Variants in EIF3A observed in about 807,000 individuals in gnomAD.
The protein encoded by EIF3A is EIF3, p180 subunit.
Under a neutral mutation model 186.6 loss-of-function variants are expected in EIF3A, and 21 were observed. That is an observed-to-expected ratio of 0.11 (90% CI 0.08 to 0.16). The LOEUF is 0.16. EIF3A is among the 10% of genes least tolerant of loss of function. The pLI, the probability that EIF3A is intolerant of heterozygous loss-of-function variation, is 1.00. For synonymous variants in EIF3A, 563 were observed against 584.3 expected (o/e 0.96, Z 0.52); for missense variants, 1,306 against 1,796.3 (o/e 0.73, Z 4.93).
Position 119,042,257 on chromosome 10 carries a change from C to A in EIF3A, c.3263G>T (p.Gly1088Val), listed in dbSNP as rs756616657. 5.3e-5 allele frequency: 85 copies of A among 1,612,870 alleles called. No homozygotes were observed. In the South Asian group the frequency reaches 9.1e-4, roughly 17 times the overall value. The change falls in exon 19 of 22, where the codon GGT becomes GTT. Residue 1088 changes from glycine (G) to valine (V), a missense_variant. Transcript: ENST00000369144. This position sits in a 1 kb window ranked among gnomAD's most constrained non-coding sequence, Gnocchi z 7.8. ...GTCATCATCCATGCCTCGCCTGGGA[C>A]CCCGGTCATCATCCATGCCTCGCCT... Reference protein sequence around the residue: ...GPRRGMDDDRGPRRGMDDDRG... With the variant: ...GPRRGMDDDRVPRRGMDDDRG...
At chr10:119,054,744 C>T (rs1190900599) in intron 14 of EIF3A, among the ~76,000 whole-genome samples, 4 of 142,854 alleles carry the variant, frequency 2.8e-5, no homozygotes, top group African/African-American at 1.0e-4. Flanking sequence ...AAAAAAAAAG[C>T]TTTTCCTTTG....
intron 5 of EIF3A, among the ~76,000 whole-genome samples, chr10:119,069,862 G>A (rs1019994691): frequency 6.6e-6 from 1 of 152,044 alleles, no homozygotes; most frequent in Non-Finnish European, 1.5e-5. Context: ...AGTTCTTTAG[G>A]AAATAATGGG....
At chr10:119,070,723 T>C (rs965626342) in intron 5 of EIF3A, among the ~76,000 whole-genome samples, 163 bp downstream of exon 5, 7 of 152,258 alleles carry the variant, frequency 4.6e-5, no homozygotes, top group East Asian at 3.8e-4. Context: ...CAAAATATTC[T>C]GAGATTTCTT....
At chr10:119,047,216 T>G (rs1305465141) in intron 17 of EIF3A, among the ~76,000 whole-genome samples, 1 of 151,920 alleles carries the variant, frequency 6.6e-6, no homozygotes, top group East Asian at 1.9e-4. Context: ...TGCAGTGAGC[T>G]GAGATTGCAC....
In EIF3A at chr10:119,037,390, G is replaced by A. The variant is rs998273170; in HGVS notation, c.3729-81C>T. 46 of 1,261,156 alleles carry A rather than the reference G, an allele frequency of 3.6e-5. No homozygotes were observed. The East Asian group carries it at 1.1e-3, about 29-fold the overall frequency. The allele number at this position is 1,261,156 out of a possible 1,614,324, so 78.1% of individuals were successfully genotyped here. On this transcript the variant is annotated intron_variant, in intron 20 of 21. Coordinates refer to ENST00000369144, the MANE Select transcript of EIF3A (RefSeq NM_003750.4). Reference sequence around the variant, plus strand: ...TATAAGTACATCCAGTCCAAGCTGGGGCTTAGAGTTTACAAATATAACAGA... The same window carrying A: ...TATAAGTACATCCAGTCCAAGCTGGAGCTTAGAGTTTACAAATATAACAGA...
chr10:119,072,769 C>T (rs1003410186), intron 4 of EIF3A, 121 bp downstream of exon 4: 4 of 1,245,374 alleles, frequency 3.2e-6, no homozygotes, highest in South Asian at 1.5e-5. Flanking sequence ...TCATTTAATA[C>T]TCATGTGAAT....
At chr10:119,057,810 A>G in intron 12 of EIF3A, 146 bp downstream of exon 12, 1 of 660,328 alleles carries the variant, frequency 1.5e-6, no homozygotes, top group East Asian at 2.6e-5. Flanking sequence ...CAATAAACAT[A>G]TGCTTACTCA....
chr10:119,052,011 T>C (rs1452861413), intron 14 of EIF3A, among the ~76,000 whole-genome samples: 2 of 152,184 alleles, frequency 1.3e-5, no homozygotes, highest in African/African-American at 2.4e-5. Context: ...TACTAAAGGA[T>C]GGGGTGACTA....
Position 119,080,815 on chromosome 10 carries a change from A to G in EIF3A, c.-139T>C. The G allele has an allele frequency of 2.1e-6, 3 of 1,417,454 alleles. No individual in the cohort carries two copies. The highest frequency in any genetic ancestry group is 2.8e-6 in the Non-Finnish European group (3 of 1,085,248). 87.8% of individuals were successfully genotyped at this position (1,417,454 alleles called of 1,614,324 possible). ...CGCGCCCAGCCGGCCAGAGACGGAA[A>G]GGAAGGAGCCACGTGACCTCCCCGC... On this transcript the variant is annotated 5_prime_UTR_variant, in exon 1 of 22. Coordinates refer to ENST00000369144, the MANE Select transcript of EIF3A (RefSeq NM_003750.4).
intron 17 of EIF3A, among the ~76,000 whole-genome samples, chr10:119,045,420 T>C (rs554019985): frequency 8.2e-4 from 125 of 152,298 alleles, no homozygotes; most frequent in African/African-American, 2.8e-3. Flanking sequence ...CTTTCCCAAG[T>C]AAACACCTTG....
At chr10:119,065,356 GT>G in intron 7 of EIF3A, 42 bp downstream of exon 7, 1 of 1,463,996 alleles carries the variant, frequency 6.8e-7, no homozygotes, top group Non-Finnish European at 9.4e-7. Context: ...TGACCACAAA[GT>G]TTTCTGCCCA....
intron 7 of EIF3A, among the ~76,000 whole-genome samples, chr10:119,063,385 T>A (rs560293722): frequency 3.3e-5 from 5 of 152,342 alleles, no homozygotes; most frequent in African/African-American, 1.2e-4. Flanking sequence ...CTAGAAAAGT[T>A]ATTTGTTCTT....
Position 119,072,926 on chromosome 10 carries a change from T to C in EIF3A, c.505A>G (p.Arg169Gly), listed in dbSNP as rs769746367. Residue 169 changes from arginine to glycine, a missense_variant, in exon 4 of 22, where the codon AGA becomes GGA. By Grantham distance (125) the Arg-to-Gly change is moderately radical. Around this residue, in one of 8 missense-constraint regions of EIF3A, gnomAD observed 130 missense variants for 259.3 expected, o/e 0.50. Transcript: ENST00000369144. The stretch of plus-strand genomic sequence containing the variant: ...ATATCATGGTACAGGCGCTCTACTC[T>C]AGAATTGTTTCTAAGAAGGTCCAAA... ...QCLDLLRNNS[R>G]VERLYHDIAQ... is the part of the protein sequence containing the mutation. The C allele has an allele frequency of 1.2e-6, 2 of 1,614,108 alleles. No individual in the cohort carries two copies. Among genetic ancestry groups the C allele is most frequent in the South Asian group, 1.1e-5 (1 of 91,068 alleles).
intron 6 of EIF3A, among the ~76,000 whole-genome samples, chr10:119,068,971 C>A (rs1325308543): frequency 2.2e-3 from 219 of 98,954 alleles, no homozygotes; most frequent in African/African-American, 5.4e-3. Context: ...CTCTGTCTTG[C>A]AAAAAAAAAA....
chr10:119,067,410 C>T (rs548036059), intron 6 of EIF3A, among the ~76,000 whole-genome samples: 5 of 152,146 alleles, frequency 3.3e-5, no homozygotes, highest in African/African-American at 9.6e-5. Context: ...GGCAACATAA[C>T]GAGACCCTGC....
intron 4 of EIF3A, among the ~76,000 whole-genome samples, chr10:119,072,089 G>A (rs1844084133): frequency 7.0e-6 from 1 of 143,740 alleles, no homozygotes; most frequent in Non-Finnish European, 1.5e-5. Context: ...GCTGGGCAGA[G>A]CTGTAATCCC....
intron 4 of EIF3A, 107 bp from the exon 5 acceptor site, chr10:119,071,192 C>T: frequency 1.3e-6 from 1 of 778,252 alleles, no homozygotes; most frequent in Non-Finnish European, 2.1e-6. Flanking sequence ...CAGGATTCAC[C>T]AAACTCATCA....
At chr10:119,056,632 A>C in intron 14 of EIF3A, 108 bp downstream of exon 14, 2 of 737,914 alleles carry the variant, frequency 2.7e-6, no homozygotes, top group Non-Finnish European at 4.5e-6. Context: ...TTAGAGCACC[A>C]TTTCTAGCAG....
chr10:119,061,970 G>C (rs1843895434), intron 7 of EIF3A, among the ~76,000 whole-genome samples: 1 of 152,138 alleles, frequency 6.6e-6, no homozygotes, highest in Admixed American at 6.5e-5. Context: ...TACCCATAGA[G>C]AGTGGGTGAC....
Sources: gnomAD v4.1 joint callset for allele counts (sites outside exome capture counted in the v4.1 genomes callset) on GRCh38, gnomAD v4.1.1 for gene constraint, gnomAD v4.1.1 regional missense constraint, Gnocchi (gnomAD v3.1) non-coding constraint, MANE v1.5 for transcripts, NCBI Gene and HGNC (gene_info 2026-07-23, HGNC 2026-07-21) for gene names.